HOXA3: variants seen among roughly 807,000 people sequenced by gnomAD.
The protein encoded by HOXA3 is homeobox A3.
HOXA3 carries 8 observed loss-of-function variants against 30.3 expected under a neutral mutation model. The ratio of observed to expected loss-of-function variants is 0.26; its 90% confidence interval spans 0.15 to 0.48. The LOEUF is 0.48. Ranked by LOEUF, HOXA3 falls within the 20% of genes least tolerant of loss-of-function variation. The pLI is 0.99. For missense variants in HOXA3, 653 were observed against 614.4 expected (o/e 1.06, Z -0.66); for synonymous variants, 323 against 273.1 (o/e 1.18, Z -1.80).
intron 1 of HOXA3, among the ~76,000 whole-genome samples, chr7:27,140,748 C>T (rs1156622872): frequency 3.0e-5 from 3 of 98,762 alleles, no homozygotes; most frequent in African/African-American, 8.3e-5. Context: ...GCTAACAAAG[C>T]CCTGGGTTTT....
chr7:27,129,417 G>C (rs1468653189), intron 2 of HOXA3: 1 of 1,614,164 alleles, frequency 6.2e-7, no homozygotes, highest in South Asian at 1.1e-5. Context: ...TCTTGACCTG[G>C]CGCTCAGACA....
intron 4 of HOXA3, among the ~76,000 whole-genome samples, chr7:27,114,162 G>A (rs1248707384): frequency 6.6e-6 from 1 of 151,592 alleles, no homozygotes; most frequent in East Asian, 2.0e-4. Context: ...GGAGCTCGGC[G>A]GTGGCGGGAG....
chr7:27,120,724 A>T (rs988529319), intron 4 of HOXA3, among the ~76,000 whole-genome samples: 3 of 151,980 alleles, frequency 2.0e-5, no homozygotes, highest in African/African-American at 7.3e-5. Context: ...TTGGGGTGGG[A>T]TGGGTGATTT....
chr7:27,144,549 G>A (rs907919265), intron 1 of HOXA3, among the ~76,000 whole-genome samples: 2 of 152,156 alleles, frequency 1.3e-5, no homozygotes, highest in African/African-American at 4.8e-5. Context: ...CCGGTTCCTC[G>A]AGCCAGCCGG....
intron 4 of HOXA3, among the ~76,000 whole-genome samples, chr7:27,111,485 C>CGTGTGTGTGT (rs61655486): frequency 0.054 from 8,036 of 148,818 alleles, 305 homozygotes; most frequent in African/African-American, 0.1. Flanking sequence ...GAACACATTG[C>CGTGTGTGTGT]GTGTGTGTGT....
intron 4 of HOXA3, among the ~76,000 whole-genome samples, chr7:27,117,786 C>T (rs911021469): frequency 7.2e-5 from 11 of 151,818 alleles, no homozygotes; most frequent in Admixed American, 2.6e-4. Context: ...GCAATCTAGC[C>T]CTGCAAGCCG....
chr7:27,129,708 G>A, intron 2 of HOXA3: 1 of 941,284 alleles, frequency 1.1e-6, no homozygotes, highest in South Asian at 1.4e-5. Context: ...CCAAGTTCAC[G>A]CAAGATACAT....
intron 1 of HOXA3, chr7:27,150,857 G>A (rs889151075): frequency 3.9e-5 from 6 of 152,508 alleles, no homozygotes; most frequent in East Asian, 1.9e-4. Context: ...TCGCCCCCCA[G>A]GTCCCCTTGC....
intron 1 of HOXA3, chr7:27,145,539 C>T (rs1455274528): frequency 7.9e-7 from 1 of 1,269,792 alleles, no homozygotes; most frequent in African/African-American, 1.5e-5. Context: ...TCCGGGCTCC[C>T]CTGAAGCTGC....
chr7:27,130,727 TGGTCATTAA>T lies in HOXA3; in HGVS notation c.-389-3666_-389-3658del. The T allele has an allele frequency of 1.9e-6, 3 of 1,605,394 alleles. No homozygotes were observed. In the South Asian group the frequency reaches 3.3e-5, roughly 18 times the overall value. ...TTGGAGTTTATCAAAAACGAGCTCA[TGGTCATTAA>T]TTTGTGAAGTGCAAAAATACTAATT... On this transcript the variant is annotated intron_variant, in intron 2 of 5. Coordinates refer to ENST00000612286, the MANE Select transcript of HOXA3 (RefSeq NM_153631.3).
chr7:27,130,855 C>T lies in HOXA3; in HGVS notation c.-389-3785G>A. On this transcript the variant is annotated intron_variant, in intron 2 of 5. Transcript: ENST00000612286. The stretch of plus-strand genomic sequence containing the variant: ...CTTTCCTCTGCGCCCTTCCCCTCCC[C>T]CCGCTGTCAAGTGCCCACTCCTCCC... The T allele has an allele frequency of 2.9e-6, 3 of 1,023,276 alleles. No homozygotes were observed. The South Asian group carries it at 4.1e-5, about 14-fold the overall frequency. The allele number at this position is 1,023,276 out of a possible 1,614,324, so 63.4% of individuals were successfully genotyped here. A position where few individuals can be genotyped will look rare whatever the true frequency, so the allele number is the denominator to read the frequency against.
intron 4 of HOXA3, among the ~76,000 whole-genome samples, chr7:27,120,476 G>A (rs1784949605): frequency 6.7e-6 from 1 of 149,192 alleles, no homozygotes; most frequent in Non-Finnish European, 1.5e-5. Flanking sequence ...AGAAGGCAGA[G>A]GTTGCAGTGA....
chr7:27,110,809 C>G, intron 4 of HOXA3, 49 bp from the exon 5 acceptor site: 1 of 940,558 alleles, frequency 1.1e-6, no homozygotes, highest in Non-Finnish European at 1.6e-6. Flanking sequence ...GCAAATCCAT[C>G]TTACTCTCAA....
chr7:27,141,648 A>C, intron 1 of HOXA3: 1 of 627,266 alleles, frequency 1.6e-6, no homozygotes, highest in Non-Finnish European at 2.6e-6. Context: ...AGAGATGAAC[A>C]GAAAGCAGAT....
chr7:27,145,766 C>A, intron 1 of HOXA3: 1 of 1,614,236 alleles, frequency 6.2e-7, no homozygotes, highest in Non-Finnish European at 8.5e-7. Flanking sequence ...AGATCTTGAT[C>A]TGGCGCTCGG....
intron 2 of HOXA3, among the ~76,000 whole-genome samples, chr7:27,137,940 A>T (rs1471321048): frequency 6.6e-6 from 1 of 151,656 alleles, no homozygotes; most frequent in East Asian, 1.9e-4. Context: ...AACTGGCAGA[A>T]TCCCCGTCAC....
rs531694110 is a variant in HOXA3 at position 27,122,268 on chromosome 7, T to G, written c.-121+291A>C. On this transcript the variant is annotated intron_variant, in intron 4 of 5. Transcript: ENST00000612286. Reference sequence around the variant, plus strand: ...TCAGTGTAGTGGTTTGTTTGGGGCTTGCAGGAAGAAACAAACACACTCCCT... The same window carrying G: ...TCAGTGTAGTGGTTTGTTTGGGGCTGGCAGGAAGAAACAAACACACTCCCT... 13 of 152,352 alleles carry G rather than the reference T, an allele frequency of 8.5e-5. No individual in the cohort carries two copies. The East Asian group carries it at 2.1e-3, about 25-fold the overall frequency. 9.4% of individuals were successfully genotyped at this position (152,352 alleles called of 1,614,324 possible). A position where few individuals can be genotyped will look rare whatever the true frequency, so the allele number is the denominator to read the frequency against.
intron 1 of HOXA3, chr7:27,145,590 G>A: frequency 6.4e-7 from 1 of 1,550,892 alleles, no homozygotes. Context: ...AAAAGTTGGG[G>A]AACAGGCGAG....
intron 2 of HOXA3, chr7:27,130,242 TGGGGTGGC>T (rs753777562): frequency 2.9e-5 from 38 of 1,303,462 alleles, no homozygotes; most frequent in Non-Finnish European, 3.5e-5. Context: ...CCGGGACGCC[TGGGGTGGC>T]GGGGGCCGCC....
Sources: gnomAD v4.1 joint callset for allele counts (sites outside exome capture counted in the v4.1 genomes callset) on GRCh38, gnomAD v4.1.1 for gene constraint, MANE v1.5 for transcripts, NCBI Gene and HGNC (gene_info 2026-07-23, HGNC 2026-07-21) for gene names.